Variants in SLC28A1 observed in about 807,000 individuals in gnomAD.
SLC28A1 encodes sodium/nucleoside cotransporter 1.
Under a neutral mutation model 74.8 loss-of-function variants are expected in SLC28A1, and 64 were observed. The observed-to-expected ratio is 0.86, with a 90% CI of 0.70 to 1.05. The LOEUF (loss-of-function observed/expected upper bound fraction) is 1.05, where lower values mean the gene tolerates loss of function less well. Among genes scored for constraint, SLC28A1 ranks in the 50% least tolerant of loss-of-function variants. The pLI is 0.00. For synonymous variants in SLC28A1, 359 were observed against 335.0 expected (o/e 1.07, Z -0.78); for missense variants, 828 against 822.8 (o/e 1.01, Z -0.08).
chr15:84,964,459 C>G, the SLC28A1 span, among the ~76,000 whole-genome samples: 1 of 152,200 alleles, frequency 6.6e-6, no homozygotes, highest in Admixed American at 6.5e-5. Context: ...GAGACATGCT[C>G]TTTATTGGTT....
At chr15:84,886,507 C>G in intron 1 of SLC28A1, 165 bp from the exon 2 acceptor site, 1 of 985,394 alleles carries the variant, frequency 1.0e-6, no homozygotes, top group Non-Finnish European at 1.2e-6. Flanking sequence ...GAAGCAGCAG[C>G]CAGTGGGCAG....
intron 3 of SLC28A1, 25 bp from the exon 4 acceptor site, chr15:84,888,747 C>T: frequency 3.2e-6 from 5 of 1,538,486 alleles, no homozygotes; most frequent in South Asian, 1.2e-5. Flanking sequence ...GGCAGGCCGA[C>T]CTGACGGCTC....
intron 10 of SLC28A1, among the ~76,000 whole-genome samples, chr15:84,920,433 G>A (rs962601500): frequency 3.4e-5 from 5 of 147,788 alleles, no homozygotes; most frequent in South Asian, 2.3e-4. Flanking sequence ...GTGACAGAAC[G>A]AGGCTCTGTC....
chr15:84,912,191 A>G (rs750527584), intron 9 of SLC28A1, among the ~76,000 whole-genome samples: 1 of 152,154 alleles, frequency 6.6e-6, no homozygotes, highest in East Asian at 1.9e-4. Flanking sequence ...CCTCTCCCCT[A>G]TATCACACAC....
At chr15:84,937,467 A>T (rs78437680) in intron 15 of SLC28A1, among the ~76,000 whole-genome samples, 1 of 152,210 alleles carries the variant, frequency 6.6e-6, no homozygotes, top group Non-Finnish European at 1.5e-5. Flanking sequence ...AACAAGGTTC[A>T]CTACTTCAAT....
At chr15:84,957,370 G>A in the SLC28A1 span, among the ~76,000 whole-genome samples, 323 of 152,262 alleles carry the variant, frequency 2.1e-3, 1 homozygote, top group African/African-American at 7.4e-3. Flanking sequence ...GGGTTCAAGC[G>A]ATTCTTGTGC....
At chr15:84,955,789 C>G in the SLC28A1 span, among the ~76,000 whole-genome samples, 1 of 152,198 alleles carries the variant, frequency 6.6e-6, no homozygotes, top group South Asian at 2.1e-4. Flanking sequence ...GCACTCCTAT[C>G]AGGGTTGTGG....
intron 12 of SLC28A1, among the ~76,000 whole-genome samples, chr15:84,929,613 G>A (rs1971046132): frequency 6.6e-6 from 1 of 152,040 alleles, no homozygotes. Context: ...CAGTACTTTG[G>A]GAGGCCAAGG....
intron 5 of SLC28A1, among the ~76,000 whole-genome samples, chr15:84,892,807 C>T (rs981561297): frequency 5.9e-5 from 9 of 152,150 alleles, no homozygotes; most frequent in Non-Finnish European, 8.8e-5. Context: ...GCAGCGACAG[C>T]GCTGGCACCA....
At chr15:84,941,849 A>G (rs1367009800) in intron 15 of SLC28A1, among the ~76,000 whole-genome samples, 1 of 152,204 alleles carries the variant, frequency 6.6e-6, no homozygotes, top group Non-Finnish European at 1.5e-5. Flanking sequence ...AGTTATCTGG[A>G]AAGTGTTAAA....
the SLC28A1 span, among the ~76,000 whole-genome samples, chr15:84,954,173 C>G: frequency 6.6e-6 from 1 of 152,158 alleles, no homozygotes; most frequent in Non-Finnish European, 1.5e-5. Flanking sequence ...CTCCTCCAGA[C>G]CCATTGTTGA....
In SLC28A1 at chr15:84,888,848, C is replaced by G. The variant is rs1964927251; in HGVS notation, c.173C>G (p.Pro58Arg). 6.4e-7 allele frequency: 1 copy of G among 1,551,928 alleles called. No homozygotes were observed. The highest frequency in any genetic ancestry group is 1.4e-5 in the African/African-American group (1 of 73,182). Residue 58 changes from proline to arginine, a missense_variant, in exon 4 of 19, where the codon CCC (proline) becomes CGC (arginine). Transcript: ENST00000394573. ...RSSWSEAAPK[P>R]FSRWRNLQPA... ...AGCTGGAGCGAGGCGGCGCCGAAGC[C>G]CTTCTCCAGATGGTAGGTGATCTCT...
chr15:84,974,329 G>A, the SLC28A1 span, among the ~76,000 whole-genome samples: 1 of 152,196 alleles, frequency 6.6e-6, no homozygotes, highest in Admixed American at 6.5e-5. Context: ...TATTGCCAAA[G>A]CTTATTTTCA....
At chr15:84,935,943 TGGTTTTTG>T (rs1567182348) in intron 15 of SLC28A1, among the ~76,000 whole-genome samples, 1 of 107,414 alleles carries the variant, frequency 9.3e-6, no homozygotes, top group African/African-American at 4.0e-5. Flanking sequence ...TGTTTTGGTT[TGGTTTTTG>T]TTTTTTTTTT....
intron 18 of SLC28A1, 90 bp downstream of exon 18, chr15:84,944,957 G>A: frequency 8.9e-7 from 1 of 1,129,556 alleles, no homozygotes; most frequent in South Asian, 1.2e-5. Context: ...GTACCAGGGT[G>A]AGGGTAGAAA....
Position 84,884,662 on chromosome 15 carries a change from C to G in SLC28A1, c.-222C>G. On this transcript the variant is annotated 5_prime_UTR_variant, in exon 1 of 19. Coordinates refer to ENST00000394573, the MANE Select transcript of SLC28A1 (RefSeq NM_004213.5). ...TCCTTGTTGTAGAGATTAGGGCCCACAACGATGTGAAGGTTATAAGCTGCA... is the reference window on the plus strand; with the variant it reads ...TCCTTGTTGTAGAGATTAGGGCCCAGAACGATGTGAAGGTTATAAGCTGCA... 2 of 974,700 alleles carry G rather than the reference C, an allele frequency of 2.1e-6. No homozygotes were observed. Among genetic ancestry groups the G allele is most frequent in the Non-Finnish European group, 2.4e-6 (2 of 819,886 alleles). The allele number at this position is 974,700 out of a possible 1,614,324, so 60.4% of individuals were successfully genotyped here. A position where few individuals can be genotyped will look rare whatever the true frequency, so the allele number is the denominator to read the frequency against.
rs1301213639 is a variant in SLC28A1, at chr15:84,945,736, G to C, written c.*536G>C. On this transcript the variant is annotated 3_prime_UTR_variant, in exon 19 of 19. Coordinates refer to ENST00000394573, the MANE Select transcript of SLC28A1 (RefSeq NM_004213.5). ...ACACTGTCCTGGGAGGCGTTCAGAG[G>C]GTTCCATGATGGACTAGGTTTGGAA... is the stretch of plus-strand genomic sequence containing the variant. The C allele has an allele frequency of 5.9e-6, 1 of 169,552 alleles. No individual in the cohort carries two copies. The highest frequency in any genetic ancestry group is 1.3e-5 in the Non-Finnish European group (1 of 77,452). The allele number at this position is 169,552 out of a possible 1,614,324, so 10.5% of individuals were successfully genotyped here. A position where few individuals can be genotyped will look rare whatever the true frequency, so the allele number is the denominator to read the frequency against.
chr15:84,934,683 A>T (rs887725652), intron 13 of SLC28A1, among the ~76,000 whole-genome samples: 1 of 152,210 alleles, frequency 6.6e-6, no homozygotes, highest in African/African-American at 2.4e-5. Flanking sequence ...ACCCCAAAGT[A>T]TTGTCATTTC....
chr15:84,894,002 A>C (rs867611189), intron 5 of SLC28A1, among the ~76,000 whole-genome samples: 1 of 152,090 alleles, frequency 6.6e-6, no homozygotes, highest in Non-Finnish European at 1.5e-5. Flanking sequence ...TTTATTCGTG[A>C]TGTTTCAGAT....
Sources: gnomAD v4.1 joint callset for allele counts (sites outside exome capture counted in the v4.1 genomes callset) on GRCh38, gnomAD v4.1.1 for gene constraint, MANE v1.5 for transcripts, NCBI Gene and HGNC (gene_info 2026-07-23, HGNC 2026-07-21) for gene names.